Variants in KCNIP4 observed in about 807,000 individuals in gnomAD.
KCNIP4 encodes the protein potassium voltage-gated channel interacting protein 4, also known as Kv channel-interacting protein 4.
A neutral mutation model predicts 34.0 loss-of-function variants in KCNIP4; 12 were observed. That is an observed-to-expected ratio of 0.35 (90% CI 0.23 to 0.57). The LOEUF (loss-of-function observed/expected upper bound fraction) is 0.57, where lower values mean the gene tolerates loss of function less well. Among genes scored for constraint, KCNIP4 ranks in the 20% least tolerant of loss-of-function variants. The pLI is 0.83. For missense variants in KCNIP4, 238 were observed against 311.7 expected, an observed-to-expected ratio of 0.76 and a Z score of 1.78; for synonymous variants, 124 against 102.2, an observed-to-expected ratio of 1.21 and a Z score of -1.29.
chr4:20,848,372 AAGG>A (rs1720624104), intron 3 of KCNIP4, among the ~76,000 whole-genome samples: 1 of 151,894 alleles, frequency 6.6e-6, no homozygotes, highest in East Asian at 1.9e-4. Flanking sequence ...AAAGGAAAGC[AAGG>A]AGGAGTGAAG....
At chr4:20,863,205 A>T (rs928663886) in intron 2 of KCNIP4, among the ~76,000 whole-genome samples, 1 of 152,196 alleles carries the variant, frequency 6.6e-6, no homozygotes, top group Admixed American at 6.6e-5. Context: ...GTTTTTAAGG[A>T]TAATTTGGTG....
In KCNIP4 at chr4:20,930,190, C is replaced by T. The variant is rs182576145; in HGVS notation, c.62-47481G>A. Among the ~76,000 whole-genome samples, 220 of 151,956 alleles carry T rather than the reference C, an allele frequency of 1.4e-3. 2 individuals carry two copies. Among genetic ancestry groups the T allele is most frequent in the Admixed American group, 0.014 (213 of 15,254 alleles). On this transcript the variant is annotated intron_variant, in intron 1 of 8. Transcript: ENST00000382152. The stretch of plus-strand genomic sequence containing the variant: ...GCATGAAAACGAAAATGTGGACCAA[C>T]GGAACAGAATATAGAGAGCCAGAAA...
At chr4:21,182,332 G>T (rs1754897354) in intron 1 of KCNIP4, among the ~76,000 whole-genome samples, 1 of 152,012 alleles carries the variant, frequency 6.6e-6, no homozygotes, top group African/African-American at 2.4e-5. Flanking sequence ...ATTAGAATAG[G>T]TCTCTTCAGG....
chr4:21,595,450 A>G (rs1742573183), intron 1 of KCNIP4, among the ~76,000 whole-genome samples: 1 of 152,130 alleles, frequency 6.6e-6, no homozygotes, highest in Non-Finnish European at 1.5e-5. Flanking sequence ...TACAGTAAAC[A>G]TGAGTATGCA....
intron 1 of KCNIP4, chr4:21,544,559 G>T (rs1000544823): frequency 1.3e-5 from 2 of 152,126 alleles, no homozygotes; most frequent in African/African-American, 4.8e-5. Flanking sequence ...GACATTGTAG[G>T]TCTGAGGTCA....
chr4:21,631,875 C>T (rs1028319513), intron 1 of KCNIP4, among the ~76,000 whole-genome samples: 7 of 152,128 alleles, frequency 4.6e-5, no homozygotes, highest in African/African-American at 7.2e-5. Flanking sequence ...TTTGGTGTTC[C>T]ATCATTTATA....
chr4:21,394,781 T>A (rs1577294033), intron 1 of KCNIP4, among the ~76,000 whole-genome samples: 1 of 152,280 alleles, frequency 6.6e-6, no homozygotes, highest in Admixed American at 6.5e-5. Flanking sequence ...GTAATATATG[T>A]CAATAAACTT....
chr4:20,916,260 C>G, intron 1 of KCNIP4: 1 of 931,484 alleles, frequency 1.1e-6, no homozygotes, highest in African/African-American at 1.8e-5. Context: ...GAGCTCTCTT[C>G]TCTGACCTCC....
chr4:21,064,278 T>C (rs1744162530), intron 1 of KCNIP4, among the ~76,000 whole-genome samples: 1 of 152,090 alleles, frequency 6.6e-6, no homozygotes, highest in Non-Finnish European at 1.5e-5. Context: ...AAAAGAAATG[T>C]CTCTTACATA....
Position 20,766,553 on chromosome 4 carries a change from A to C in KCNIP4, c.289-7663T>G, listed in dbSNP as rs1472379027. 2.6e-5 allele frequency among the ~76,000 whole-genome samples: 4 copies of C among 152,094 alleles called. 1 individual carries two copies. Among genetic ancestry groups the C allele is most frequent in the Admixed American group, 2.6e-4 (4 of 15,268 alleles). ...TATACTCCAGCCTGGGTGACAGAGCAAAACTCCATCTCAAACAAACAAACA... is the reference window on the plus strand; with the variant it reads ...TATACTCCAGCCTGGGTGACAGAGCCAAACTCCATCTCAAACAAACAAACA... On this transcript the variant is annotated intron_variant, in intron 3 of 8. Coordinates refer to ENST00000382152, the MANE Select transcript of KCNIP4 (RefSeq NM_025221.6).
chr4:21,766,929 C>A (rs1422267111), intron 1 of KCNIP4, among the ~76,000 whole-genome samples: 1 of 152,056 alleles, frequency 6.6e-6, no homozygotes, highest in African/African-American at 2.4e-5. Context: ...CAACAAAGAC[C>A]CTGTCCTCTT....
At chr4:21,174,789 C>T (rs1560782062) in intron 1 of KCNIP4, among the ~76,000 whole-genome samples, 1 of 151,850 alleles carries the variant, frequency 6.6e-6, no homozygotes, top group East Asian at 1.9e-4. Flanking sequence ...CCTGTAATCC[C>T]AGCTACTTGG....
chr4:21,113,279 T>G (rs1749386307), intron 1 of KCNIP4, among the ~76,000 whole-genome samples: 2 of 152,140 alleles, frequency 1.3e-5, no homozygotes, highest in South Asian at 4.1e-4. Context: ...CAAATTGGAT[T>G]TCACACAGAC....
intron 1 of KCNIP4, among the ~76,000 whole-genome samples, chr4:21,519,776 CGT>C (rs987431349): frequency 2.4e-4 from 27 of 111,378 alleles, no homozygotes; most frequent in Admixed American, 1.2e-3. Context: ...TGTATACACA[CGT>C]GTGTGTATGT....
intron 1 of KCNIP4, among the ~76,000 whole-genome samples, chr4:21,646,989 GA>G (rs921966097): frequency 3.3e-4 from 50 of 151,530 alleles, no homozygotes; most frequent in Middle Eastern, 6.8e-3. Context: ...GTTTTGAGGG[GA>G]AAAAAAACCA....
Position 21,541,090 on chromosome 4 carries a change from G to A in KCNIP4, c.61+407481C>T, listed in dbSNP as rs962233700. On this transcript the variant is annotated intron_variant, in intron 1 of 8. Transcript: ENST00000382152. ...GGAGGCTGAGGTGGGAGAATTGCTT[G>A]AATCCAGGAGACAGAGGTTGCAGCT... 2.7e-5 allele frequency among the ~76,000 whole-genome samples: 4 copies of A among 149,832 alleles called. No individual in the cohort carries two copies. In the East Asian group the frequency reaches 8.0e-4, roughly 30 times the overall value.
chr4:21,080,865 A>G (rs1302165684), intron 1 of KCNIP4, among the ~76,000 whole-genome samples: 1 of 151,866 alleles, frequency 6.6e-6, no homozygotes, highest in Non-Finnish European at 1.5e-5. Context: ...TCACTATTCA[A>G]TGGGCAACAC....
intron 1 of KCNIP4, among the ~76,000 whole-genome samples, chr4:21,213,539 T>A (rs1023509238): frequency 6.6e-5 from 10 of 152,096 alleles, no homozygotes; most frequent in African/African-American, 2.2e-4. Context: ...TGACCTCAGG[T>A]GATCCACCTG....
chr4:21,076,153 T>C (rs1198437520), intron 1 of KCNIP4, among the ~76,000 whole-genome samples: 3 of 152,274 alleles, frequency 2.0e-5, no homozygotes, highest in East Asian at 3.9e-4. Flanking sequence ...TTTGTGGCAT[T>C]CTCTGTATTT....
Sources: allele counts gnomAD v4.1 joint callset (sites outside exome capture counted in the v4.1 genomes callset), GRCh38; gene constraint gnomAD v4.1.1; transcripts MANE v1.5; gene names NCBI Gene and HGNC (gene_info 2026-07-23, HGNC 2026-07-21).